Variants in ARHGAP6 observed in about 807,000 individuals in gnomAD.
ARHGAP6 encodes rho GTPase-activating protein 6.
A neutral mutation model predicts 55.7 loss-of-function variants in ARHGAP6; 16 were observed. That is an observed-to-expected ratio of 0.29 (90% CI 0.19 to 0.44). The LOEUF (loss-of-function observed/expected upper bound fraction) is 0.44, where lower values mean the gene tolerates loss of function less well. Among genes scored for constraint, ARHGAP6 ranks in the 20% least tolerant of loss-of-function variants. The pLI, the probability that ARHGAP6 is intolerant of heterozygous loss-of-function variation, is 1.00. For missense variants in ARHGAP6, 698 were observed against 808.9 expected (o/e 0.86, Z 1.66); for synonymous variants, 382 against 360.9 (o/e 1.06, Z -0.66).
chrX:11,529,332 G>C (rs1316499170), intron 1 of ARHGAP6, among the ~76,000 whole-genome samples: 1 of 111,986 alleles, frequency 8.9e-6, no homozygotes, highest in African/African-American at 3.2e-5. Context: ...GACAAGGTTT[G>C]CTTGTTTGTT....
intron 1 of ARHGAP6, among the ~76,000 whole-genome samples, chrX:11,663,353 C>A (rs1434138847): frequency 8.9e-6 from 1 of 111,912 alleles, no homozygotes; most frequent in Non-Finnish European, 1.9e-5. Flanking sequence ...TCTCCCTTCC[C>A]TTATGGAAAC....
intron 2 of ARHGAP6, among the ~76,000 whole-genome samples, chrX:11,243,559 C>T (rs995954742): frequency 4.4e-4 from 49 of 112,169 alleles, no homozygotes; most frequent in African/African-American, 1.5e-3. Context: ...ATGGTGGCAT[C>T]AGTTGTTTAA....
At chrX:11,557,842 G>T (rs1200628320) in intron 1 of ARHGAP6, among the ~76,000 whole-genome samples, 1 of 112,052 alleles carries the variant, frequency 8.9e-6, no homozygotes, top group African/African-American at 3.2e-5. Context: ...CTCAGCCTTG[G>T]TTTTGAGCAA....
intron 1 of ARHGAP6, among the ~76,000 whole-genome samples, chrX:11,421,835 G>A (rs12558513): frequency 0.031 from 3,472 of 111,762 alleles, 61 homozygotes; most frequent in Middle Eastern, 0.093. Context: ...AGAGATTCTC[G>A]TTTAGTAAGA....
chrX:11,503,375 T>A (rs1355091531), intron 1 of ARHGAP6, among the ~76,000 whole-genome samples: 1 of 111,799 alleles, frequency 8.9e-6, no homozygotes, highest in Non-Finnish European at 1.9e-5. Context: ...CACTGCACAT[T>A]CCTCGACTGT....
chrX:11,491,841 G>A (rs1380147781), intron 1 of ARHGAP6, among the ~76,000 whole-genome samples: 3 of 109,067 alleles, frequency 2.8e-5, no homozygotes, highest in African/African-American at 1.0e-4. Flanking sequence ...CAGTGTAAAA[G>A]TGTTCCTATT....
rs773032319 is a variant in ARHGAP6, at chrX:11,644,521, G to T, written c.588+19720C>A. On this transcript the variant is annotated intron_variant, in intron 1 of 12. Transcript: ENST00000337414. ...ACCTGATTTTTAAAAAATGGGCAAA[G>T]GTCTTGAACAGACCCTTCACCAAAG... Among the ~76,000 whole-genome samples the T allele has an allele frequency of 4.5e-5, 5 of 110,851 alleles. No individual in the cohort carries two copies. In the South Asian group the frequency reaches 1.9e-3, roughly 42 times the overall value.
At chrX:11,553,627 T>A (rs935177416) in intron 1 of ARHGAP6, among the ~76,000 whole-genome samples, 1 of 111,909 alleles carries the variant, frequency 8.9e-6, no homozygotes, top group Non-Finnish European at 1.9e-5. Context: ...AAGCAGAGCA[T>A]TTTTACTCTT....
chrX:11,155,113 A>C (rs1413045666), intron 10 of ARHGAP6, among the ~76,000 whole-genome samples: 1 of 112,072 alleles, frequency 8.9e-6, no homozygotes, highest in Non-Finnish European at 1.9e-5. Flanking sequence ...GGAAAGAAGG[A>C]GGTTGAACAA....
At chrX:11,306,372 C>G (rs2048238483) in intron 1 of ARHGAP6, among the ~76,000 whole-genome samples, 1 of 112,715 alleles carries the variant, frequency 8.9e-6, no homozygotes. Flanking sequence ...GGAAAAATAC[C>G]TGGAAACTGG....
At chrX:11,260,934 AC>A (rs2047553829) in intron 1 of ARHGAP6, among the ~76,000 whole-genome samples, 1 of 110,731 alleles carries the variant, frequency 9.0e-6, no homozygotes, top group Admixed American at 9.6e-5. Flanking sequence ...TCAGCCATAT[AC>A]AACAGCTAGA....
intron 2 of ARHGAP6, among the ~76,000 whole-genome samples, chrX:11,209,505 A>G (rs1381919837): frequency 2.7e-5 from 3 of 112,434 alleles, no homozygotes; most frequent in Non-Finnish European, 3.8e-5. Context: ...GTTATACAGA[A>G]AAGTGTTTTG....
In ARHGAP6 at chrX:11,639,473, T is replaced by C. The variant is rs142104547; in HGVS notation, c.588+24768A>G. On this transcript the variant is annotated intron_variant, in intron 1 of 12. Transcript: ENST00000337414. ...CGAGAACATGCAGTGTTTGGTTTTC[T>C]GTCCTTGTGATAGTTTGCTGAGAAT... Among the ~76,000 whole-genome samples the C allele has an allele frequency of 5.5e-3, 614 of 110,830 alleles. 1 individual carries two copies. Among genetic ancestry groups the C allele is most frequent in the African/African-American group, 0.019 (586 of 30,469 alleles).
chrX:11,399,281 T>C (rs1398902423), intron 1 of ARHGAP6, among the ~76,000 whole-genome samples: 1 of 101,959 alleles, frequency 9.8e-6, no homozygotes, highest in Non-Finnish European at 2.0e-5. Flanking sequence ...TGATTTTATG[T>C]GCCTCCCCCA....
intron 1 of ARHGAP6, among the ~76,000 whole-genome samples, chrX:11,539,733 G>C (rs1026605424): frequency 2.7e-5 from 3 of 111,520 alleles, no homozygotes; most frequent in African/African-American, 9.8e-5. Flanking sequence ...TTTTAGGAGG[G>C]GTTGGGAATA....
intron 1 of ARHGAP6, among the ~76,000 whole-genome samples, chrX:11,429,371 A>C (rs1458737529): frequency 8.9e-6 from 1 of 112,096 alleles, no homozygotes; most frequent in Non-Finnish European, 1.9e-5. Context: ...GGAACCTTCT[A>C]GGGTGCTGGA....
chrX:11,487,493 A>G (rs927467054), intron 1 of ARHGAP6, among the ~76,000 whole-genome samples: 1 of 112,472 alleles, frequency 8.9e-6, no homozygotes, highest in Non-Finnish European at 1.9e-5. Context: ...CTTCAGATTC[A>G]GCAAATAAAA....
chrX:11,442,884 C>A (rs2050053911), intron 1 of ARHGAP6, among the ~76,000 whole-genome samples: 1 of 112,177 alleles, frequency 8.9e-6, no homozygotes, highest in Non-Finnish European at 1.9e-5. Flanking sequence ...TCATAGGCAT[C>A]ATTTTCAATA....
At chrX:11,514,602 A>G (rs2050818259) in intron 1 of ARHGAP6, among the ~76,000 whole-genome samples, 1 of 110,162 alleles carries the variant, frequency 9.1e-6, no homozygotes, top group African/African-American at 3.3e-5. Context: ...TTGAGACCCA[A>G]TGGCCTCTTA....
Sources: allele counts gnomAD v4.1 joint callset (sites outside exome capture counted in the v4.1 genomes callset), GRCh38; gene constraint gnomAD v4.1.1; transcripts MANE v1.5; gene names NCBI Gene and HGNC (gene_info 2026-07-23, HGNC 2026-07-21).